The following DNMT3A variants were observed in gnomAD, a reference collection of about 807,000 sequenced individuals.
DNMT3A encodes the protein DNA (cytosine-5)-methyltransferase 3A.
DNMT3A carries 267 observed loss-of-function variants against 117.6 expected under a neutral mutation model. That is an observed-to-expected ratio of 2.27 (90% confidence interval 2.05 to 2.51). The LOEUF is 2.51. Among genes scored for constraint, DNMT3A ranks in the 30% most tolerant of loss-of-function variants. DNMT3A has a pLI of 0.00. For missense variants in DNMT3A, 1,029 were observed against 1,260.2 expected (o/e 0.82, Z 2.78); for synonymous variants, 432 against 474.8 (o/e 0.91, Z 1.17).
Position 25,296,597 on chromosome 2 carries a change from T to G in DNMT3A, c.177+3542A>C, listed in dbSNP as rs547339869. ...ACACTTGACTGAAATAGAAGGCATCTTCCTCTGGTGGCTTCCCGCACATGG... is the reference window on the plus strand; with the variant it reads ...ACACTTGACTGAAATAGAAGGCATCGTCCTCTGGTGGCTTCCCGCACATGG... On this transcript the variant is annotated intron_variant, in intron 3 of 22. Transcript: ENST00000321117. The surrounding 1 kb of genome is among the most constrained non-coding windows in gnomAD (Gnocchi z 4.2). 6.6e-5 allele frequency among the ~76,000 whole-genome samples: 10 copies of G among 152,236 alleles called. No homozygotes were observed. The highest frequency in any genetic ancestry group is 6.5e-4 in the Admixed American group (10 of 15,288).
intron 11 of DNMT3A, 22 bp from the exon 12 acceptor site, chr2:25,246,086 C>T (rs767372965): frequency 6.0e-5 from 97 of 1,614,054 alleles, no homozygotes; most frequent in Non-Finnish European, 7.6e-5. Flanking sequence ...GGAGAGCTGG[C>T]GTCAGAGGAG....
At chr2:25,264,499 G>A (rs2030079747) in intron 6 of DNMT3A, among the ~76,000 whole-genome samples, 1 of 151,254 alleles carries the variant, frequency 6.6e-6, no homozygotes, top group Admixed American at 6.6e-5. Flanking sequence ...ACAGAGTCTG[G>A]CTCTGTCGCC....
At chr2:25,289,092 C>T (rs2032549063) in intron 3 of DNMT3A, among the ~76,000 whole-genome samples, 1 of 151,952 alleles carries the variant, frequency 6.6e-6, no homozygotes, top group Admixed American at 6.6e-5. Flanking sequence ...GACTGTGAGC[C>T]TTGCCTTATT....
chr2:25,253,114 C>T, intron 6 of DNMT3A, among the ~76,000 whole-genome samples: 1 of 152,138 alleles, frequency 6.6e-6, no homozygotes, highest in East Asian at 1.9e-4. Context: ...ATCTGCAGAT[C>T]GAGAAGACCT....
At chr2:25,319,761 TTTTC>T (rs1201179013) in intron 1 of DNMT3A, among the ~76,000 whole-genome samples, 3 of 151,986 alleles carry the variant, frequency 2.0e-5, no homozygotes, top group Non-Finnish European at 2.9e-5. Context: ...TGAATAGATT[TTTTC>T]TTTCTTTCTT....
intron 2 of DNMT3A, among the ~76,000 whole-genome samples, chr2:25,312,571 C>A (rs561924747): frequency 6.6e-6 from 1 of 152,244 alleles, no homozygotes; most frequent in East Asian, 1.9e-4. Flanking sequence ...AGGGCTCGGA[C>A]CTGGGAGACA....
At chr2:25,270,171 G>T (rs973392834) in intron 6 of DNMT3A, among the ~76,000 whole-genome samples, 3 of 152,210 alleles carry the variant, frequency 2.0e-5, no homozygotes, top group African/African-American at 7.2e-5. Context: ...AAAAGCCCAA[G>T]TGTCTTGTGC....
chr2:25,233,999 C>T lies in DNMT3A; in HGVS notation c.*280G>A, dbSNP rs552735080. ...AAGAGTAGAAAATAAAAGGTCTGACCGAAAAAAAAGGGAAGGGGGAGGAAG... is the reference window on the plus strand; with the variant it reads ...AAGAGTAGAAAATAAAAGGTCTGACTGAAAAAAAAGGGAAGGGGGAGGAAG... On this transcript the variant is annotated 3_prime_UTR_variant, in exon 23 of 23. Transcript: ENST00000321117. 62 of 311,740 alleles carry T rather than the reference C, an allele frequency of 2.0e-4. No individual in the cohort carries two copies. The highest frequency in any genetic ancestry group is 1.6e-3 in the South Asian group (14 of 8,914). The allele number at this position is 311,740 out of a possible 1,614,324, so 19.3% of individuals were successfully genotyped here.
rs1672839258 is a variant in DNMT3A at position 25,230,803 on chromosome 2, G to GA, written c.*3475_*3476insT. The GA allele has an allele frequency of 7.1e-6, 1 of 141,006 alleles. No individual in the cohort carries two copies. Among genetic ancestry groups the GA allele is most frequent in the Non-Finnish European group, 1.5e-5 (1 of 64,834 alleles). 8.7% of individuals were successfully genotyped at this position (141,006 alleles called of 1,614,324 possible). A position where few individuals can be genotyped will look rare whatever the true frequency, so the allele number is the denominator to read the frequency against. ...CTCGTCCCTGCAAGGGGGGGGGGGG[G>GA]GGGGCCATGACCCCTGGGGCATCTG... On this transcript the variant is annotated 3_prime_UTR_variant, in exon 23 of 23. Coordinates refer to ENST00000321117, the MANE Select transcript of DNMT3A (RefSeq NM_022552.5).
rs997297023 is a variant in DNMT3A at position 25,337,837 on chromosome 2, A to T, written c.-178+3989T>A. Reference sequence around the variant, plus strand: ...GCCCTCAAAATTAAAGTGGAAAGGGATCTGGCACCTTTAGTAGACCATTAA... The same window carrying T: ...GCCCTCAAAATTAAAGTGGAAAGGGTTCTGGCACCTTTAGTAGACCATTAA... On this transcript the variant is annotated intron_variant, in intron 1 of 22. Coordinates refer to ENST00000321117, the MANE Select transcript of DNMT3A (RefSeq NM_022552.5). This position sits in a 1 kb window ranked among gnomAD's most constrained non-coding sequence, Gnocchi z 5.0. Among the ~76,000 whole-genome samples, 2 of 152,236 alleles carry T rather than the reference A, an allele frequency of 1.3e-5. No individual in the cohort carries two copies. Among genetic ancestry groups the T allele is most frequent in the African/African-American group, 2.4e-5 (1 of 41,458 alleles).
At chr2:25,239,535 TGAG>T (rs1217606928) in intron 19 of DNMT3A, 10 of 561,004 alleles carry the variant, frequency 1.8e-5, no homozygotes, top group Non-Finnish European at 3.2e-5. Context: ...CCAATGTGAT[TGAG>T]GAGCTGAATG....
intron 2 of DNMT3A, among the ~76,000 whole-genome samples, chr2:25,312,894 C>G (rs556507264): frequency 6.6e-6 from 1 of 152,274 alleles, no homozygotes; most frequent in East Asian, 1.9e-4. Context: ...AAAGAACCAA[C>G]TGGTGCCCCC....
At position 25,288,287 on chromosome 2, in the gene DNMT3A, C is replaced by T. The variant is rs1006871038; in HGVS notation, c.178-5576G>A. Among the ~76,000 whole-genome samples, 6 of 151,456 alleles carry T rather than the reference C, an allele frequency of 4.0e-5. No individual in the cohort carries two copies. In the East Asian group the frequency reaches 6.0e-4, roughly 15 times the overall value. ...GAATCTACTAAAAATACAAAAAATT[C>T]GCCAGGCGTGGTAGCAGGCGCCTGT... On this transcript the variant is annotated intron_variant, in intron 3 of 22. Transcript: ENST00000321117.
rs1249749308 is a variant in DNMT3A at position 25,311,663 on chromosome 2, C to T, written c.72+2250G>A. Reference sequence around the variant, plus strand: ...ACTATGGGTAGATAATAATAGCAATCGTAATCCCTCATAATTGGACCAGAC... The same window carrying T: ...ACTATGGGTAGATAATAATAGCAATTGTAATCCCTCATAATTGGACCAGAC... On this transcript the variant is annotated intron_variant, in intron 2 of 22. Transcript: ENST00000321117. This position sits in a 1 kb window ranked among gnomAD's most constrained non-coding sequence, Gnocchi z 5.2. Among the ~76,000 whole-genome samples, 1 of 152,164 alleles carries T rather than the reference C, an allele frequency of 6.6e-6. No homozygotes were observed. Among genetic ancestry groups the T allele is most frequent in the Non-Finnish European group, 1.5e-5 (1 of 68,028 alleles).
At chr2:25,336,758 T>A (rs1004515440) in intron 1 of DNMT3A, among the ~76,000 whole-genome samples, 4 of 152,118 alleles carry the variant, frequency 2.6e-5, no homozygotes, top group African/African-American at 9.7e-5. Flanking sequence ...GGCCTCAGCC[T>A]GGCCTCCAGC....
chr2:25,274,055 C>G (rs1197952403), intron 6 of DNMT3A, among the ~76,000 whole-genome samples: 1 of 152,204 alleles, frequency 6.6e-6, no homozygotes, highest in Non-Finnish European at 1.5e-5. Flanking sequence ...GCCCGTACTT[C>G]CCTACAGCCC....
At chr2:25,329,880 C>A (rs1410459837) in intron 1 of DNMT3A, among the ~76,000 whole-genome samples, 1 of 152,252 alleles carries the variant, frequency 6.6e-6, no homozygotes, top group Non-Finnish European at 1.5e-5. Flanking sequence ...GACACAGGCA[C>A]ACGCGTTGCA....
At chr2:25,269,428 A>G (rs2030667618) in intron 6 of DNMT3A, among the ~76,000 whole-genome samples, 1 of 152,210 alleles carries the variant, frequency 6.6e-6, no homozygotes, top group Admixed American at 6.5e-5. Flanking sequence ...AGGAGGCAGC[A>G]GCTCTTGGCC....
intron 1 of DNMT3A, among the ~76,000 whole-genome samples, chr2:25,317,925 G>A (rs183638098): frequency 3.9e-5 from 6 of 152,210 alleles, no homozygotes; most frequent in African/African-American, 1.4e-4. Flanking sequence ...AGTAGAGATG[G>A]GGTTTCTCCA....
Sources: gnomAD v4.1 joint callset for allele counts (sites outside exome capture counted in the v4.1 genomes callset) on GRCh38, gnomAD v4.1.1 for gene constraint, Gnocchi (gnomAD v3.1) non-coding constraint, MANE v1.5 for transcripts, NCBI Gene and HGNC (gene_info 2026-07-23, HGNC 2026-07-21) for gene names.